KIAA1217: variants seen among roughly 807,000 people sequenced by gnomAD.
The protein encoded by KIAA1217 is sickle tail protein homolog.
A neutral mutation model predicts 163.9 loss-of-function variants in KIAA1217; 88 were observed. The observed-to-expected ratio is 0.54, with a 90% confidence interval of 0.45 to 0.64. The LOEUF (loss-of-function observed/expected upper bound fraction) is 0.64, where lower values mean the gene tolerates loss of function less well. Among genes scored for constraint, KIAA1217 ranks in the 30% least tolerant of loss-of-function variants. KIAA1217 has a pLI of 0.00. For synonymous variants in KIAA1217, 903 were observed against 923.1 expected (o/e 0.98, Z 0.39); for missense variants, 2,372 against 2,475.0 (o/e 0.96, Z 0.88).
chr10:23,903,816 C>G (rs1045943599), intron 1 of KIAA1217, among the ~76,000 whole-genome samples: 1 of 152,104 alleles, frequency 6.6e-6, no homozygotes, highest in African/African-American at 2.4e-5. Flanking sequence ...CACCTCATCA[C>G]TTTCTAGCCC....
intron 2 of KIAA1217, among the ~76,000 whole-genome samples, chr10:24,146,263 GTCACCT>G (rs1202271457): frequency 7.2e-5 from 11 of 152,084 alleles, no homozygotes; most frequent in Non-Finnish European, 1.5e-4. Context: ...AAAGCATTTG[GTCACCT>G]GAAGAAACTT....
intron 3 of KIAA1217, among the ~76,000 whole-genome samples, chr10:24,432,032 G>T (rs1166238082): frequency 6.7e-6 from 1 of 150,074 alleles, no homozygotes; most frequent in Non-Finnish European, 1.5e-5. Context: ...TAATGATTGT[G>T]TTCCTAGTTA....
chr10:24,489,205 G>A (rs1382220684), intron 6 of KIAA1217, among the ~76,000 whole-genome samples: 1 of 151,622 alleles, frequency 6.6e-6, no homozygotes, highest in Admixed American at 6.6e-5. Context: ...CATTCGTGCT[G>A]TACTCCAGCC....
intron 1 of KIAA1217, among the ~76,000 whole-genome samples, chr10:23,873,509 A>C (rs1407803022): frequency 6.6e-6 from 1 of 152,008 alleles, no homozygotes; most frequent in East Asian, 1.9e-4. Context: ...TCCCAATTTT[A>C]AGACGGATAA....
chr10:24,001,943 G>C (rs16924194), intron 1 of KIAA1217, among the ~76,000 whole-genome samples: 11,145 of 152,174 alleles, frequency 0.073, 443 homozygotes, highest in Middle Eastern at 0.11. Context: ...CAGACAGAGG[G>C]TGTCACACAC....
chr10:24,501,273 A>T (rs1251486726), intron 8 of KIAA1217, 106 bp from the exon 9 acceptor site: 2 of 966,638 alleles, frequency 2.1e-6, no homozygotes, highest in Non-Finnish European at 3.0e-6. Context: ...TTGTAATGAG[A>T]GAATTAGGCC....
chr10:24,384,142 C>T lies in KIAA1217; in HGVS notation c.553+3075C>T, dbSNP rs75926484. Among the ~76,000 whole-genome samples, 755 of 152,276 alleles carry T rather than the reference C, an allele frequency of 5.0e-3. 12 individuals are homozygous for T. The highest frequency in any genetic ancestry group is 0.017 in the African/African-American group (726 of 41,564). The stretch of plus-strand genomic sequence containing the variant: ...TTGAGCTGTAACCCCCCTGGAAACC[C>T]GCTGTTGATGCCATCTGGAAGCCCT... On this transcript the variant is annotated intron_variant, in intron 3 of 20. Transcript: ENST00000376454.
intron 3 of KIAA1217, among the ~76,000 whole-genome samples, chr10:24,408,913 C>A (rs976631226): frequency 4.1e-4 from 62 of 152,322 alleles, no homozygotes; most frequent in African/African-American, 1.5e-3. Context: ...TCTTGCTAAC[C>A]AGCATCGGTG....
At chr10:23,948,922 T>A (rs369269084) in intron 1 of KIAA1217, among the ~76,000 whole-genome samples, 13 of 152,192 alleles carry the variant, frequency 8.5e-5, no homozygotes, top group Middle Eastern at 3.2e-3. Flanking sequence ...TACTCACTTC[T>A]GTAACTTTTT....
At position 24,219,877 on chromosome 10, in the gene KIAA1217, A is replaced by G; in HGVS notation, c.322A>G (p.Ile108Val). The G allele has an allele frequency of 1.2e-6, 2 of 1,609,774 alleles. No individual in the cohort carries two copies. The highest frequency in any genetic ancestry group is 1.7e-6 in the Non-Finnish European group (2 of 1,177,734). Residue 108 changes from isoleucine (I) to valine (V), a missense_variant, in exon 2 of 21, where the codon ATC becomes GTC. Physicochemically the swap from Ile to Val is conservative, Grantham distance 29 (BLOSUM62 3). Transcript: ENST00000376454. ...GAAGTACCCCCACCACGCCTCTGCAATCATGGGTCACCAAGAGAGGCTGAG... is the reference window on the plus strand; with the variant it reads ...GAAGTACCCCCACCACGCCTCTGCAGTCATGGGTCACCAAGAGAGGCTGAG... ...KQKYPHHASA[I>V]MGHQERLRDQ...
intron 1 of KIAA1217, among the ~76,000 whole-genome samples, chr10:23,863,826 A>G (rs140478435): frequency 3.2e-3 from 493 of 152,216 alleles, no homozygotes; most frequent in African/African-American, 0.011. Context: ...GCACATGTAC[A>G]CATACACACA....
chr10:24,505,517 A>G (rs926629648), intron 9 of KIAA1217, among the ~76,000 whole-genome samples: 10 of 152,062 alleles, frequency 6.6e-5, no homozygotes, highest in Non-Finnish European at 1.2e-4. Context: ...GGATTTTACC[A>G]AAGTCATCCC....
At chr10:23,808,831 A>G (rs1307048411) in intron 1 of KIAA1217, among the ~76,000 whole-genome samples, 1 of 152,158 alleles carries the variant, frequency 6.6e-6, no homozygotes, top group African/African-American at 2.4e-5. Flanking sequence ...TGATAAGTAG[A>G]TAATAAAATA....
intron 1 of KIAA1217, among the ~76,000 whole-genome samples, chr10:23,777,777 C>T (rs894765296): frequency 1.7e-4 from 26 of 151,994 alleles, no homozygotes; most frequent in African/African-American, 6.0e-4. Context: ...TGTTCACACT[C>T]ACATATTCAC....
intron 1 of KIAA1217, among the ~76,000 whole-genome samples, chr10:24,000,819 C>T (rs1846706534): frequency 6.6e-6 from 1 of 152,238 alleles, no homozygotes. Flanking sequence ...CACCCCAGGT[C>T]GAGCACTGCT....
At chr10:24,056,254 G>T (rs952368182) in intron 2 of KIAA1217, among the ~76,000 whole-genome samples, 1 of 152,092 alleles carries the variant, frequency 6.6e-6, no homozygotes, top group Non-Finnish European at 1.5e-5. Context: ...CTTGAGCCTG[G>T]GAGATGGAGG....
chr10:23,967,892 A>G (rs1323398145), intron 1 of KIAA1217, among the ~76,000 whole-genome samples: 2 of 141,064 alleles, frequency 1.4e-5, no homozygotes, highest in African/African-American at 2.8e-5. Context: ...ACAGAATAAT[A>G]TATTAAATGT....
At chr10:24,541,636 C>T (rs2075103334) in intron 17 of KIAA1217, among the ~76,000 whole-genome samples, 1 of 152,160 alleles carries the variant, frequency 6.6e-6, no homozygotes, top group Non-Finnish European at 1.5e-5. Context: ...TTGGAACCGA[C>T]AAGGCATCAC....
intron 2 of KIAA1217, among the ~76,000 whole-genome samples, chr10:24,103,443 G>A (rs1438031674): frequency 6.6e-6 from 1 of 152,122 alleles, no homozygotes; most frequent in African/African-American, 2.4e-5. Context: ...GAAAGACAAT[G>A]TCAAGAGAAT....
Sources: gnomAD v4.1 joint callset for allele counts (sites outside exome capture counted in the v4.1 genomes callset) on GRCh38, gnomAD v4.1.1 for gene constraint, MANE v1.5 for transcripts, NCBI Gene and HGNC (gene_info 2026-07-23, HGNC 2026-07-21) for gene names.